NBAS: variants seen among roughly 807,000 people sequenced by gnomAD.
NBAS encodes NBAS subunit of NRZ tethering complex, also known as NAG/BC035112 fusion.
NBAS carries 219 observed loss-of-function variants against 302.5 expected under a neutral mutation model. The ratio of observed to expected loss-of-function variants is 0.72; its 90% CI spans 0.65 to 0.81. The LOEUF (loss-of-function observed/expected upper bound fraction) is 0.81. Among genes scored for constraint, NBAS ranks in the 30% least tolerant of loss-of-function variants. NBAS has a pLI of 0.00. For synonymous variants in NBAS, 1,118 were observed against 1,021.6 expected, an observed-to-expected ratio of 1.09 and a Z score of -1.80; for missense variants, 2,932 against 2,841.6, an observed-to-expected ratio of 1.03 and a Z score of -0.72.
At chr2:15,065,367 T>C in the NBAS span, among the ~76,000 whole-genome samples, 11 of 152,146 alleles carry the variant, frequency 7.2e-5, no homozygotes, top group Non-Finnish European at 1.3e-4. Flanking sequence ...CTCTCAGCAC[T>C]TCTACTCAAC....
chr2:15,165,696 A>G (rs1038346879), downstream of NBAS, among the ~76,000 whole-genome samples: 4 of 152,044 alleles, frequency 2.6e-5, no homozygotes, highest in Non-Finnish European at 5.9e-5. Context: ...AGGTGTGGAG[A>G]TGAGGCTGCC....
chr2:15,238,710 C>T, intron 44 of NBAS, 24 bp from the exon 45 acceptor site: 1 of 1,523,454 alleles, frequency 6.6e-7, no homozygotes, highest in Non-Finnish European at 9.0e-7. Flanking sequence ...ATAGTGAGAC[C>T]AAAGAACCCT....
At chr2:15,299,619 T>A (rs975077165) in intron 40 of NBAS, among the ~76,000 whole-genome samples, 2 of 152,210 alleles carry the variant, frequency 1.3e-5, no homozygotes, top group African/African-American at 4.8e-5. Flanking sequence ...CCCCGCTGAG[T>A]TTGCTTCCCT....
chr2:14,916,847 C>T, the NBAS span, among the ~76,000 whole-genome samples: 2 of 152,194 alleles, frequency 1.3e-5, no homozygotes, highest in Non-Finnish European at 2.9e-5. Context: ...GGATCACATG[C>T]ACAATGTTTG....
At chr2:15,219,875 G>C (rs1666854805) in intron 47 of NBAS, among the ~76,000 whole-genome samples, 1 of 145,750 alleles carries the variant, frequency 6.9e-6, no homozygotes. Flanking sequence ...CGGGCAGAGG[G>C]GCTCCTCACT....
chr2:15,336,472 G>A (rs1402043769), intron 35 of NBAS, among the ~76,000 whole-genome samples: 3 of 152,216 alleles, frequency 2.0e-5, no homozygotes, highest in South Asian at 2.1e-4. Flanking sequence ...GGTGGCTCAC[G>A]CCTGTAATCC....
chr2:15,320,626 C>A (rs892476388), intron 38 of NBAS, among the ~76,000 whole-genome samples: 1 of 152,074 alleles, frequency 6.6e-6, no homozygotes, highest in African/African-American at 2.4e-5. Context: ...AGAGCCAAAT[C>A]ATGAATGAAC....
chr2:15,533,430 TA>T (rs1393315351), intron 9 of NBAS, among the ~76,000 whole-genome samples: 7 of 152,152 alleles, frequency 4.6e-5, no homozygotes, highest in African/African-American at 9.7e-5. Flanking sequence ...TGAAATGTCC[TA>T]AATAGTAGTT....
At chr2:15,248,629 G>A (rs1558473355) in intron 44 of NBAS, among the ~76,000 whole-genome samples, 2 of 151,910 alleles carry the variant, frequency 1.3e-5, no homozygotes, top group Non-Finnish European at 2.9e-5. Flanking sequence ...GTGATAAAGG[G>A]GATATCACCA....
the NBAS span, among the ~76,000 whole-genome samples, chr2:15,023,355 C>T: frequency 1.3e-5 from 2 of 152,058 alleles, no homozygotes; most frequent in African/African-American, 4.8e-5. Context: ...TTTGCTTTCC[C>T]ACTATGAATA....
At chr2:15,274,380 T>C (rs192424952) in intron 44 of NBAS, among the ~76,000 whole-genome samples, 1 of 152,262 alleles carries the variant, frequency 6.6e-6, no homozygotes, top group East Asian at 1.9e-4. Flanking sequence ...TGCGATAGGG[T>C]ACTGGGCAGA....
At chr2:15,352,317 A>C (rs535508516) in intron 34 of NBAS, among the ~76,000 whole-genome samples, 10 of 152,340 alleles carry the variant, frequency 6.6e-5, no homozygotes, top group African/African-American at 2.4e-4. Context: ...GAATTGTTAC[A>C]GGCAGTGTAT....
chr2:15,374,501 G>A (rs1048888945), intron 31 of NBAS, 107 bp downstream of exon 31: 21 of 936,666 alleles, frequency 2.2e-5, no homozygotes, highest in South Asian at 6.5e-5. Flanking sequence ...TATTGCTAAT[G>A]GATTACATGA....
the NBAS span, among the ~76,000 whole-genome samples, chr2:14,933,894 A>G: frequency 6.6e-6 from 1 of 152,202 alleles, no homozygotes; most frequent in South Asian, 2.1e-4. Context: ...CATTGGTGTA[A>G]TATGCACATG....
At chr2:15,432,847 G>GA (rs1041936325) in intron 21 of NBAS, among the ~76,000 whole-genome samples, 4 of 151,846 alleles carry the variant, frequency 2.6e-5, no homozygotes, top group Admixed American at 6.6e-5. Context: ...ACACCAAGTC[G>GA]AAAAAAAAGC....
At chr2:15,323,291 C>T (rs1308271183) in intron 38 of NBAS, among the ~76,000 whole-genome samples, 1 of 152,288 alleles carries the variant, frequency 6.6e-6, no homozygotes, top group South Asian at 2.1e-4. Context: ...TGTGCACCCA[C>T]CACATAGAAA....
At chr2:14,828,311 AAGGTCTTTCC>A in the NBAS span, among the ~76,000 whole-genome samples, 1 of 152,192 alleles carries the variant, frequency 6.6e-6, no homozygotes, top group Non-Finnish European at 1.5e-5. Flanking sequence ...GTGAGCAGGA[AAGGTCTTTCC>A]ATGGAAGGGG....
At chr2:14,966,192 C>T in the NBAS span, among the ~76,000 whole-genome samples, 2 of 152,120 alleles carry the variant, frequency 1.3e-5, no homozygotes, top group African/African-American at 4.8e-5. Context: ...CTTGAAAACT[C>T]CAGAACTATG....
At chr2:14,846,124 G>A in the NBAS span, among the ~76,000 whole-genome samples, 1 of 151,978 alleles carries the variant, frequency 6.6e-6, no homozygotes, top group Non-Finnish European at 1.5e-5. Context: ...ACTCTCAAAG[G>A]TCAAAGATAA....
Sources: gnomAD v4.1 joint callset for allele counts (sites outside exome capture counted in the v4.1 genomes callset) on GRCh38, gnomAD v4.1.1 for gene constraint, MANE v1.5 for transcripts, NCBI Gene and HGNC (gene_info 2026-07-23, HGNC 2026-07-21) for gene names.